The following GRIK4 variants were observed in gnomAD, a reference collection of about 807,000 sequenced individuals.
GRIK4 encodes glutamate ionotropic receptor kainate type subunit 4.
Under a neutral mutation model 104.9 loss-of-function variants are expected in GRIK4, and 40 were observed. That is an observed-to-expected ratio of 0.38 (90% CI 0.30 to 0.50). The LOEUF (loss-of-function observed/expected upper bound fraction) is 0.50. GRIK4 is among the 20% of genes least tolerant of loss of function. The probability of loss-of-function intolerance (pLI) is 0.93; values close to 1 mark genes in which losing one functional copy is unlikely to be tolerated. For missense variants in GRIK4, 1,047 were observed against 1,308.1 expected, an observed-to-expected ratio of 0.80 and a Z score of 3.08; for synonymous variants, 485 against 524.9, an observed-to-expected ratio of 0.92 and a Z score of 1.04.
intron 1 of GRIK4, among the ~76,000 whole-genome samples, chr11:120,592,014 G>A (rs1366010234): frequency 6.6e-6 from 1 of 152,144 alleles, no homozygotes; most frequent in Non-Finnish European, 1.5e-5. Flanking sequence ...CTCCACTCAG[G>A]TCACAAAGCC....
intron 14 of GRIK4, among the ~76,000 whole-genome samples, chr11:120,944,554 T>C (rs1438007797): frequency 6.6e-6 from 1 of 152,212 alleles, no homozygotes; most frequent in Non-Finnish European, 1.5e-5. Flanking sequence ...CAAATTCTAT[T>C]GGTCATCTCA....
At chr11:120,586,062 T>C (rs1263093056) in intron 1 of GRIK4, among the ~76,000 whole-genome samples, 1 of 152,114 alleles carries the variant, frequency 6.6e-6, no homozygotes, top group African/African-American at 2.4e-5. Context: ...GAGCTGGAGA[T>C]AGGCATTTTG....
At chr11:120,932,236 T>A (rs554948818) in intron 13 of GRIK4, among the ~76,000 whole-genome samples, 13 of 151,922 alleles carry the variant, frequency 8.6e-5, no homozygotes, top group African/African-American at 2.7e-4. Flanking sequence ...TCAGAGACTG[T>A]GCCTGTATTT....
chr11:120,862,087 G>A lies in GRIK4; in HGVS notation c.873G>A (p.Glu291=), dbSNP rs768751247. The part of the protein sequence containing the change: ...FAQSLNQSWQ[E]NCDHVPFTGP... Reference sequence around the variant, plus strand: ...AGAGCCTCAACCAGTCCTGGCAGGAGAACTGTGACCATGTGCCCTTCACTG... The same window carrying A: ...AGAGCCTCAACCAGTCCTGGCAGGAAAACTGTGACCATGTGCCCTTCACTG... Residue 291 remains glutamate (E), a synonymous_variant, in exon 9 of 21, where the codon GAG becomes GAA. Transcript: ENST00000527524. The A allele has an allele frequency of 2.5e-6, 4 of 1,614,052 alleles. No individual in the cohort carries two copies. In the South Asian group the frequency reaches 3.3e-5, roughly 13 times the overall value.
chr11:120,776,198 T>G (rs1310942917), intron 3 of GRIK4, among the ~76,000 whole-genome samples: 1 of 152,022 alleles, frequency 6.6e-6, no homozygotes, highest in African/African-American at 2.4e-5. Context: ...AGTTCATGAA[T>G]TAAGTGGAGG....
intron 9 of GRIK4, among the ~76,000 whole-genome samples, chr11:120,862,550 C>T (rs145974054): frequency 7.9e-5 from 12 of 152,204 alleles, no homozygotes; most frequent in African/African-American, 2.6e-4. Context: ...GGGCAAACAT[C>T]GAGGCTGTTG....
intron 3 of GRIK4, among the ~76,000 whole-genome samples, chr11:120,781,357 T>G (rs1952153081): frequency 6.6e-6 from 1 of 152,134 alleles, no homozygotes; most frequent in African/African-American, 2.4e-5. Flanking sequence ...AATTATTATT[T>G]TTTATTTTTT....
intron 1 of GRIK4, among the ~76,000 whole-genome samples, chr11:120,521,983 T>C (rs145408306): frequency 0.01 from 1,545 of 152,336 alleles, 13 homozygotes; most frequent in Non-Finnish European, 0.017. Flanking sequence ...GCTTTGTATG[T>C]ATTAAGTTGA....
chr11:120,620,218 A>T (rs904470216), intron 1 of GRIK4: 6 of 783,972 alleles, frequency 7.7e-6, no homozygotes, highest in Non-Finnish European at 1.2e-5. Context: ...TTTGACATAC[A>T]TGGCATCAGG....
At chr11:120,756,598 T>C (rs1206447647) in intron 3 of GRIK4, among the ~76,000 whole-genome samples, 1 of 152,200 alleles carries the variant, frequency 6.6e-6, no homozygotes, top group Non-Finnish European at 1.5e-5. Context: ...TCTTCATAAC[T>C]CTTAAACTAA....
intron 13 of GRIK4, among the ~76,000 whole-genome samples, chr11:120,910,129 C>T (rs1381718540): frequency 1.3e-5 from 2 of 152,184 alleles, no homozygotes; most frequent in African/African-American, 4.8e-5. Context: ...GTGACAATGC[C>T]ATGCTCTTGA....
intron 1 of GRIK4, among the ~76,000 whole-genome samples, chr11:120,598,042 G>A (rs922093050): frequency 5.9e-5 from 9 of 152,300 alleles, no homozygotes; most frequent in African/African-American, 1.9e-4. Flanking sequence ...ACAGAGCCAA[G>A]CGGCTGTTTT....
In GRIK4 at chr11:120,660,257, CCT is replaced by C; in HGVS notation, c.-50-6_-50-5del. On this transcript the variant is annotated splice_polypyrimidine_tract_variant and intron_variant, in intron 2 of 20. Transcript: ENST00000527524. Reference sequence around the variant, plus strand: ...CCTGGGACTCACGTGCCCCCAACCCCCTCTCTCGCAGAGTTATGTCATGCCCA... The same window carrying C: ...CCTGGGACTCACGTGCCCCCAACCCCCTCTCGCAGAGTTATGTCATGCCCA... 8.1e-7 allele frequency: 1 copy of C among 1,228,008 alleles called. No homozygotes were observed. The highest frequency in any genetic ancestry group is 1.2e-6 in the Non-Finnish European group (1 of 835,374). The allele number at this position is 1,228,008 out of a possible 1,614,324, so 76.1% of individuals were successfully genotyped here. A position where few individuals can be genotyped will look rare whatever the true frequency, so the allele number is the denominator to read the frequency against.
At chr11:120,648,614 G>A (rs1042069775) in intron 1 of GRIK4, among the ~76,000 whole-genome samples, 1 of 152,154 alleles carries the variant, frequency 6.6e-6, no homozygotes, top group Non-Finnish European at 1.5e-5. Flanking sequence ...ATGTTCCAGA[G>A]AGGCCACCAG....
chr11:120,824,533 C>T (rs1268388874), intron 6 of GRIK4, among the ~76,000 whole-genome samples: 1 of 149,534 alleles, frequency 6.7e-6, no homozygotes, highest in Non-Finnish European at 1.5e-5. Flanking sequence ...TATTTTTTTT[C>T]CTTCTTTTTT....
intron 1 of GRIK4, among the ~76,000 whole-genome samples, chr11:120,620,566 C>T (rs1323887846): frequency 6.6e-6 from 1 of 152,164 alleles, no homozygotes; most frequent in African/African-American, 2.4e-5. Context: ...AACTCCTGGG[C>T]TCAAGGGATC....
At chr11:120,521,805 G>A (rs906882363) in intron 1 of GRIK4, among the ~76,000 whole-genome samples, 7 of 152,210 alleles carry the variant, frequency 4.6e-5, no homozygotes, top group African/African-American at 1.7e-4. Flanking sequence ...GAAGTAACTC[G>A]AGATCATTGC....
chr11:120,618,355 T>A (rs1286985363), intron 1 of GRIK4, among the ~76,000 whole-genome samples: 1 of 152,192 alleles, frequency 6.6e-6, no homozygotes, highest in Non-Finnish European at 1.5e-5. Flanking sequence ...ATAAATGACT[T>A]AAAGCTGGAA....
At chr11:120,840,842 TCATC>T (rs1218122320) in intron 8 of GRIK4, among the ~76,000 whole-genome samples, 1 of 152,154 alleles carries the variant, frequency 6.6e-6, no homozygotes, top group Non-Finnish European at 1.5e-5. Flanking sequence ...TTCTAAAACT[TCATC>T]CAGCCAAACA....
Sources: gnomAD v4.1 joint callset for allele counts (sites outside exome capture counted in the v4.1 genomes callset) on GRCh38, gnomAD v4.1.1 for gene constraint, MANE v1.5 for transcripts, NCBI Gene and HGNC (gene_info 2026-07-23, HGNC 2026-07-21) for gene names.